The following SCGB2B2 variants were observed in gnomAD, a reference collection of about 807,000 sequenced individuals.
SCGB2B2 encodes secretoglobin family 2B member 2.
A neutral mutation model predicts 7.6 loss-of-function variants in SCGB2B2; 11 were observed. The ratio of observed to expected loss-of-function variants is 1.45; its 90% CI spans 0.91 to 2.40. The LOEUF (loss-of-function observed/expected upper bound fraction) is 2.40. SCGB2B2 is among the 30% of genes most tolerant of loss of function. SCGB2B2 has a pLI of 0.00. For missense variants in SCGB2B2, 104 were observed against 115.4 expected, an observed-to-expected ratio of 0.90 and a Z score of 0.45; for synonymous variants, 50 against 48.6, an observed-to-expected ratio of 1.03 and a Z score of -0.12.
chr19:34,655,225 A>G (rs1026148477), intron 1 of SCGB2B2, among the ~76,000 whole-genome samples: 5 of 151,296 alleles, frequency 3.3e-5, no homozygotes, highest in Admixed American at 1.3e-4. Context: ...CTGCCTCATT[A>G]TACCCAATTC....
chr19:34,621,853 G>C (rs2066250848), intron 1 of SCGB2B2, among the ~76,000 whole-genome samples: 2 of 152,124 alleles, frequency 1.3e-5, no homozygotes, highest in Non-Finnish European at 2.9e-5. Flanking sequence ...CTCCTTGGCT[G>C]CATAGGTTTG....
At chr19:34,647,221 G>C (rs1387955787) in intron 1 of SCGB2B2, among the ~76,000 whole-genome samples, 1 of 152,176 alleles carries the variant, frequency 6.6e-6, no homozygotes, top group African/African-American at 2.4e-5. Flanking sequence ...CACAGGGAAC[G>C]AGCACCACTC....
intron 1 of SCGB2B2, among the ~76,000 whole-genome samples, chr19:34,614,406 CATTTT>C (rs2066014258): frequency 6.6e-6 from 1 of 152,054 alleles, no homozygotes; most frequent in Middle Eastern, 3.4e-3. Context: ...TGACACTGTC[CATTTT>C]ATTTTTTAAA....
chr19:34,657,088 A>G (rs553244176), intron 1 of SCGB2B2, among the ~76,000 whole-genome samples: 1 of 151,550 alleles, frequency 6.6e-6, no homozygotes, highest in African/African-American at 2.5e-5. Context: ...TGAATACGAA[A>G]CAATATAGAA....
chr19:34,647,334 C>T (rs1329337531), intron 1 of SCGB2B2, among the ~76,000 whole-genome samples: 1 of 152,208 alleles, frequency 6.6e-6, no homozygotes, highest in Non-Finnish European at 1.5e-5. Flanking sequence ...CCAACTCCCT[C>T]TGGGGAAGGT....
chr19:34,624,937 A>C (rs2066329681), intron 1 of SCGB2B2, among the ~76,000 whole-genome samples: 1 of 152,220 alleles, frequency 6.6e-6, no homozygotes, highest in Admixed American at 6.5e-5. Flanking sequence ...AGAAAAAAAC[A>C]GAGGATAAGG....
chr19:34,619,179 C>T (rs1405893028), intron 1 of SCGB2B2, among the ~76,000 whole-genome samples: 1 of 152,108 alleles, frequency 6.6e-6, no homozygotes, highest in Non-Finnish European at 1.5e-5. Flanking sequence ...AGCTCTTTTA[C>T]ACCACACACG....
intron 1 of SCGB2B2, among the ~76,000 whole-genome samples, chr19:34,612,749 G>A (rs934711186): frequency 6.6e-6 from 1 of 151,766 alleles, no homozygotes; most frequent in Non-Finnish European, 1.5e-5. Context: ...GCTGAGAGTG[G>A]GGTGTTGAAG....
At chr19:34,609,789 TG>T (rs2065880164) in intron 1 of SCGB2B2, among the ~76,000 whole-genome samples, 1 of 152,130 alleles carries the variant, frequency 6.6e-6, no homozygotes, top group Admixed American at 6.5e-5. Flanking sequence ...TTCTCAGGGT[TG>T]CTTTGGTTAT....
At chr19:34,622,191 G>A (rs1318481244) in intron 1 of SCGB2B2, among the ~76,000 whole-genome samples, 1 of 152,160 alleles carries the variant, frequency 6.6e-6, no homozygotes, top group African/African-American at 2.4e-5. Flanking sequence ...TAACCTACTG[G>A]CTGTTGAGCT....
At chr19:34,607,607 CACTT>C (rs2065817011) in intron 1 of SCGB2B2, among the ~76,000 whole-genome samples, 1 of 152,192 alleles carries the variant, frequency 6.6e-6, no homozygotes, top group East Asian at 1.9e-4. Context: ...TCTTTGCAAA[CACTT>C]ACGATTTCTT....
chr19:34,658,790 C>CACA lies in SCGB2B2; in HGVS notation c.-2032+16837_-2032+16839dup, dbSNP rs1189296393. 3.7e-3 allele frequency among the ~76,000 whole-genome samples: 423 copies of CACA among 115,330 alleles called. 5 individuals carry two copies. The highest frequency in any genetic ancestry group is 0.014 in the African/African-American group (390 of 27,446). 75.7% of individuals were successfully genotyped at this position (115,330 alleles called of 152,430 possible). ...TCCTGATACCAAAGCCTGGCAGAGA[C>CACA]ACAACAACAACAACAACAACAACAA... On this transcript the variant is annotated intron_variant, in intron 1 of 3. Transcript: ENST00000601241.
intron 1 of SCGB2B2, among the ~76,000 whole-genome samples, chr19:34,640,848 T>A (rs1224167946): frequency 6.6e-6 from 1 of 152,154 alleles, no homozygotes; most frequent in Non-Finnish European, 1.5e-5. Context: ...ATTATTATTT[T>A]TTTCCAGATG....
intron 1 of SCGB2B2, among the ~76,000 whole-genome samples, chr19:34,609,260 C>T (rs1417368904): frequency 6.6e-6 from 1 of 152,048 alleles, no homozygotes; most frequent in Non-Finnish European, 1.5e-5. Flanking sequence ...AATATTCTTT[C>T]CCATTCTGCA....
intron 1 of SCGB2B2, among the ~76,000 whole-genome samples, chr19:34,636,739 T>C (rs1297115986): frequency 6.6e-6 from 1 of 152,128 alleles, no homozygotes; most frequent in Non-Finnish European, 1.5e-5. Flanking sequence ...CCCCTGCCCT[T>C]GGTATAAAAA....
intron 1 of SCGB2B2, among the ~76,000 whole-genome samples, chr19:34,650,409 A>G (rs1257321040): frequency 6.6e-6 from 1 of 151,242 alleles, no homozygotes; most frequent in African/African-American, 2.5e-5. Flanking sequence ...TCACTGCGGA[A>G]TTGGGCTTCA....
intron 1 of SCGB2B2, chr19:34,635,660 G>A: frequency 4.9e-6 from 1 of 202,872 alleles, no homozygotes. Flanking sequence ...TGTGGCTAAA[G>A]GCTTTCCCAC....
chr19:34,660,514 GCC>G (rs1432597384), intron 1 of SCGB2B2, among the ~76,000 whole-genome samples: 2 of 152,194 alleles, frequency 1.3e-5, no homozygotes, highest in Non-Finnish European at 2.9e-5. Context: ...CATTTATGCA[GCC>G]AACAGATATA....
At chr19:34,627,891 T>C (rs1386225832) in intron 1 of SCGB2B2, among the ~76,000 whole-genome samples, 2 of 152,118 alleles carry the variant, frequency 1.3e-5, no homozygotes, top group South Asian at 2.1e-4. Context: ...CCTCTGCAAA[T>C]GTAAAAGAAC....
Sources: allele counts gnomAD v4.1 joint callset (sites outside exome capture counted in the v4.1 genomes callset), GRCh38; gene constraint gnomAD v4.1.1; transcripts MANE v1.5; gene names NCBI Gene and HGNC (gene_info 2026-07-23, HGNC 2026-07-21).